Variants in NAA11 observed in about 807,000 individuals in gnomAD.
The protein encoded by NAA11 is N-alpha-acetyltransferase 11.
NAA11 carries 15 observed loss-of-function variants against 16.1 expected under a neutral mutation model. The ratio of observed to expected loss-of-function variants is 0.93; its 90% CI spans 0.62 to 1.44. NAA11 has a LOEUF of 1.44. NAA11 is among the 40% of genes most tolerant of loss of function. NAA11 has a pLI of 0.00. For synonymous variants in NAA11, 122 were observed against 112.4 expected (o/e 1.09, Z -0.54); for missense variants, 298 against 291.3 (o/e 1.02, Z -0.17).
chr4:79,238,321 C>T (rs1721616237), intron 2 of NAA11, among the ~76,000 whole-genome samples: 1 of 152,166 alleles, frequency 6.6e-6, no homozygotes, highest in African/African-American at 2.4e-5. Context: ...TTCTGTAAAT[C>T]TCTTCCTCCT....
chr4:79,163,710 T>C, the NAA11 span, among the ~76,000 whole-genome samples: 3 of 152,210 alleles, frequency 2.0e-5, no homozygotes, highest in Non-Finnish European at 4.4e-5. Context: ...CTGGAGAGGC[T>C]GTGCTTGACT....
At chr4:79,176,791 A>G in the NAA11 span, among the ~76,000 whole-genome samples, 1 of 152,206 alleles carries the variant, frequency 6.6e-6, no homozygotes. Flanking sequence ...AGATTTACAA[A>G]AGCTCAGAAA....
At chr4:79,251,944 A>G (rs921303368) in intron 2 of NAA11, among the ~76,000 whole-genome samples, 4 of 152,236 alleles carry the variant, frequency 2.6e-5, no homozygotes, top group African/African-American at 7.2e-5. Flanking sequence ...ATCAACTGAA[A>G]TGTCCATCAA....
At chr4:79,300,524 T>C (rs981875867) in intron 1 of NAA11, among the ~76,000 whole-genome samples, 13 of 152,176 alleles carry the variant, frequency 8.5e-5, no homozygotes, top group African/African-American at 2.9e-4. Context: ...GTCCACCATA[T>C]GTTTGGAATT....
intron 2 of NAA11, among the ~76,000 whole-genome samples, chr4:79,290,726 T>C (rs1723060874): frequency 6.6e-6 from 1 of 152,150 alleles, no homozygotes; most frequent in African/African-American, 2.4e-5. Context: ...ATAATTCTGT[T>C]TTAAAGTTTT....
At chr4:79,157,630 T>C in the NAA11 span, among the ~76,000 whole-genome samples, 8 of 151,956 alleles carry the variant, frequency 5.3e-5, no homozygotes, top group East Asian at 1.2e-3. Flanking sequence ...TATGTATATA[T>C]ACCAAAGCCC....
At chr4:79,167,926 G>A in the NAA11 span, among the ~76,000 whole-genome samples, 2 of 151,864 alleles carry the variant, frequency 1.3e-5, no homozygotes, top group African/African-American at 2.4e-5. Context: ...GAACGTGCAG[G>A]TTTGTTACAT....
At chr4:79,286,182 ACC>A (rs1722903005) in intron 2 of NAA11, among the ~76,000 whole-genome samples, 1 of 152,072 alleles carries the variant, frequency 6.6e-6, no homozygotes, top group African/African-American at 2.4e-5. Flanking sequence ...AATTCTACGA[ACC>A]CACAATGGCT....
At chr4:79,193,492 C>G in the NAA11 span, among the ~76,000 whole-genome samples, 1 of 152,144 alleles carries the variant, frequency 6.6e-6, no homozygotes. Context: ...AATCGTTTCC[C>G]CATTTCTTGT....
chr4:79,174,025 C>A, the NAA11 span, among the ~76,000 whole-genome samples: 1,500 of 152,134 alleles, frequency 9.9e-3, 30 homozygotes, highest in African/African-American at 0.032. Flanking sequence ...GAGGGAGACT[C>A]CCCATTCACT....
chr4:79,245,343 C>T (rs149211103), intron 2 of NAA11: 2,699 of 155,746 alleles, frequency 0.017, 57 homozygotes, highest in Non-Finnish European at 0.022. Context: ...TGGGGAGCGC[C>T]TCTGCCCGGC....
chr4:79,242,242 T>G (rs910800123), intron 2 of NAA11, among the ~76,000 whole-genome samples: 11 of 142,958 alleles, frequency 7.7e-5, no homozygotes, highest in African/African-American at 2.8e-4. Context: ...CACCTGCACC[T>G]TGGAGGGGGA....
intron 2 of NAA11, among the ~76,000 whole-genome samples, chr4:79,240,598 A>G (rs966113925): frequency 6.6e-6 from 1 of 152,204 alleles, no homozygotes; most frequent in East Asian, 1.9e-4. Flanking sequence ...TGAGGCATGG[A>G]AGATACTTCC....
At chr4:79,158,745 T>C in the NAA11 span, among the ~76,000 whole-genome samples, 8 of 125,002 alleles carry the variant, frequency 6.4e-5, no homozygotes, top group African/African-American at 2.1e-4. Context: ...CAAAACAGCA[T>C]GGTACTGGTA....
the NAA11 span, chr4:79,197,632 G>A: frequency 6.6e-6 from 1 of 151,976 alleles, no homozygotes; most frequent in Non-Finnish European, 1.5e-5. Flanking sequence ...ATATCTAGCT[G>A]AGCCCCAGAC....
chr4:79,239,690 ACT>A (rs1456674420), intron 2 of NAA11, among the ~76,000 whole-genome samples: 8 of 151,812 alleles, frequency 5.3e-5, no homozygotes, highest in Admixed American at 1.3e-4. Flanking sequence ...ACAGAGCAAG[ACT>A]CTGTCTCGGA....
At chr4:79,170,328 G>T in the NAA11 span, among the ~76,000 whole-genome samples, 1 of 152,138 alleles carries the variant, frequency 6.6e-6, no homozygotes, top group Non-Finnish European at 1.5e-5. Context: ...GCTTCCACCT[G>T]GCTCTCTATC....
Position 79,295,294 on chromosome 4 carries a change from G to A in NAA11, c.*13-1180C>T, listed in dbSNP as rs1723184282. Among the ~76,000 whole-genome samples, 3 of 152,322 alleles carry A rather than the reference G, an allele frequency of 2.0e-5. No homozygotes were observed. The South Asian group carries it at 6.2e-4, about 32-fold the overall frequency. ...CACTGACTGAGCTGCAGCATAAGGT[G>A]TGAAATTAGGACAAATGTTCCAAGT... is the stretch of plus-strand genomic sequence containing the variant. On this transcript the variant is annotated intron_variant and NMD_transcript_variant, in intron 1 of 2. Transcript: ENST00000511542.
chr4:79,240,774 C>T (rs1721674177), intron 2 of NAA11, among the ~76,000 whole-genome samples: 1 of 152,076 alleles, frequency 6.6e-6, no homozygotes. Context: ...GCTGCTGTTA[C>T]ACAATGGAGG....
Sources: allele counts gnomAD v4.1 joint callset (sites outside exome capture counted in the v4.1 genomes callset), GRCh38; gene constraint gnomAD v4.1.1; transcripts MANE v1.5; gene names NCBI Gene and HGNC (gene_info 2026-07-23, HGNC 2026-07-21).